Variants in MTUS2 observed in about 807,000 individuals in gnomAD.
The protein encoded by MTUS2 is microtubule-associated tumor suppressor candidate 2.
Under a neutral mutation model 114.1 loss-of-function variants are expected in MTUS2, and 40 were observed. The ratio of observed to expected loss-of-function variants is 0.35; its 90% CI spans 0.27 to 0.46. The LOEUF (loss-of-function observed/expected upper bound fraction) is 0.46, where lower values mean the gene tolerates loss of function less well. MTUS2 is among the 20% of genes least tolerant of loss of function. MTUS2 has a pLI of 1.00. For missense variants in MTUS2, 1,679 were observed against 1,705.4 expected (o/e 0.98, Z 0.27); for synonymous variants, 688 against 672.0 (o/e 1.02, Z -0.37).
At chr13:28,921,020 C>G (rs996607059) in intron 2 of MTUS2, among the ~76,000 whole-genome samples, 1 of 152,248 alleles carries the variant, frequency 6.6e-6, no homozygotes, top group East Asian at 1.9e-4. Context: ...TCAGGGACCC[C>G]AGGGGCCTGC....
At chr13:29,379,142 C>A (rs1272832240) in intron 8 of MTUS2, among the ~76,000 whole-genome samples, 1 of 152,238 alleles carries the variant, frequency 6.6e-6, no homozygotes, top group African/African-American at 2.4e-5. Context: ...GTCAATTAAA[C>A]CTCTTTCCTT....
At chr13:29,365,775 C>T (rs1263312310) in intron 8 of MTUS2, among the ~76,000 whole-genome samples, 1 of 152,164 alleles carries the variant, frequency 6.6e-6, no homozygotes, top group Non-Finnish European at 1.5e-5. Flanking sequence ...CCATCCCACT[C>T]AACCTTTCTA....
chr13:29,469,657 G>A (rs1471093481), intron 9 of MTUS2, among the ~76,000 whole-genome samples: 1 of 149,276 alleles, frequency 6.7e-6, no homozygotes, highest in East Asian at 2.0e-4. Flanking sequence ...AAGAAAGAAA[G>A]AAGGCTGGGT....
At chr13:29,326,786 G>T (rs938267435) in intron 7 of MTUS2, among the ~76,000 whole-genome samples, 2 of 152,036 alleles carry the variant, frequency 1.3e-5, no homozygotes, top group Admixed American at 6.6e-5. Flanking sequence ...TTCGACACCA[G>T]CCTGACCAAC....
intron 9 of MTUS2, among the ~76,000 whole-genome samples, chr13:29,461,923 G>C (rs1037758515): frequency 6.6e-6 from 1 of 152,188 alleles, no homozygotes; most frequent in Admixed American, 6.5e-5. Context: ...ATGTCTCTGA[G>C]CCTGGGGGAG....
chr13:29,282,750 G>A (rs1347000630), intron 6 of MTUS2, among the ~76,000 whole-genome samples: 1 of 151,942 alleles, frequency 6.6e-6, no homozygotes, highest in Non-Finnish European at 1.5e-5. Context: ...TCATATCAAT[G>A]TATATATATA....
chr13:29,017,166 C>T (rs1886100504), intron 2 of MTUS2, among the ~76,000 whole-genome samples: 1 of 152,168 alleles, frequency 6.6e-6, no homozygotes, highest in East Asian at 1.9e-4. Context: ...GCACCAAACA[C>T]GTACCCAGTA....
At chr13:29,452,608 A>G (rs577479311) in intron 9 of MTUS2, among the ~76,000 whole-genome samples, 2,314 of 147,928 alleles carry the variant, frequency 0.016, 66 homozygotes, top group African/African-American at 0.056. Flanking sequence ...GTGTGTGTGT[A>G]TATATATATA....
chr13:29,111,723 T>G (rs1890891149), intron 5 of MTUS2, among the ~76,000 whole-genome samples: 1 of 152,154 alleles, frequency 6.6e-6, no homozygotes, highest in African/African-American at 2.4e-5. Context: ...CAAAAACCCT[T>G]GTGGTATTTT....
chr13:29,044,012 GA>G (rs995814031), intron 4 of MTUS2, among the ~76,000 whole-genome samples: 1 of 151,988 alleles, frequency 6.6e-6, no homozygotes, highest in African/African-American at 2.4e-5. Context: ...ATTTAAATAA[GA>G]AAAAGTCTTT....
intron 2 of MTUS2, among the ~76,000 whole-genome samples, chr13:28,995,834 A>G (rs1007484055): frequency 2.6e-5 from 4 of 152,196 alleles, no homozygotes; most frequent in African/African-American, 7.2e-5. Flanking sequence ...CAATCATGTC[A>G]TCTGCAAACT....
chr13:29,156,557 G>T (rs569649802), intron 5 of MTUS2, among the ~76,000 whole-genome samples: 2 of 152,148 alleles, frequency 1.3e-5, no homozygotes, highest in African/African-American at 2.4e-5. Context: ...TCCTGGCTTT[G>T]CCTCCTACTT....
chr13:29,216,395 G>GC (rs1468264087), intron 5 of MTUS2, among the ~76,000 whole-genome samples: 1 of 152,196 alleles, frequency 6.6e-6, no homozygotes, highest in Non-Finnish European at 1.5e-5. Context: ...GTTCTGTCTT[G>GC]CTGGGGTTCC....
intron 2 of MTUS2, among the ~76,000 whole-genome samples, chr13:28,907,811 T>G (rs985822216): frequency 1.3e-5 from 2 of 151,498 alleles, no homozygotes; most frequent in Non-Finnish European, 2.9e-5. Flanking sequence ...ATGGGAGACT[T>G]TAACACCCCA....
chr13:29,167,952 C>T (rs1004210932), intron 5 of MTUS2, among the ~76,000 whole-genome samples: 4 of 152,004 alleles, frequency 2.6e-5, no homozygotes, highest in Non-Finnish European at 5.9e-5. Context: ...AAAGCAAAAC[C>T]AATGTTTTTA....
At chr13:28,922,820 G>A (rs1236256836) in intron 2 of MTUS2, among the ~76,000 whole-genome samples, 1 of 152,150 alleles carries the variant, frequency 6.6e-6, no homozygotes, top group Non-Finnish European at 1.5e-5. Flanking sequence ...TGTTGTGATA[G>A]TGCTTTTTGT....
intron 8 of MTUS2, among the ~76,000 whole-genome samples, chr13:29,400,831 T>G (rs771302559): frequency 6.6e-6 from 1 of 152,236 alleles, no homozygotes; most frequent in Non-Finnish European, 1.5e-5. Context: ...GAATGTCAAA[T>G]CTTTGCACTA....
chr13:29,036,460 T>C (rs1887078178), intron 4 of MTUS2, among the ~76,000 whole-genome samples: 1 of 152,214 alleles, frequency 6.6e-6, no homozygotes. Context: ...AAGTGTGACA[T>C]GGTGCTGAGA....
intron 2 of MTUS2, among the ~76,000 whole-genome samples, chr13:29,008,568 T>A (rs1885701168): frequency 6.6e-6 from 1 of 152,236 alleles, no homozygotes; most frequent in Admixed American, 6.5e-5. Context: ...TATGTTTGAA[T>A]TTTTGCATGT....
Sources: gnomAD v4.1 joint callset for allele counts (sites outside exome capture counted in the v4.1 genomes callset) on GRCh38, gnomAD v4.1.1 for gene constraint, MANE v1.5 for transcripts, NCBI Gene and HGNC (gene_info 2026-07-23, HGNC 2026-07-21) for gene names.